The following NOVA1 variants were observed in gnomAD, a reference collection of about 807,000 sequenced individuals.
The protein encoded by NOVA1 is RNA-binding protein Nova-1.
NOVA1 carries 7 observed loss-of-function variants against 38.0 expected under a neutral mutation model. The ratio of observed to expected loss-of-function variants is 0.18; its 90% CI spans 0.10 to 0.35. The LOEUF (loss-of-function observed/expected upper bound fraction) is 0.35, where lower values mean the gene tolerates loss of function less well. Ranked by LOEUF, NOVA1 falls within the 10% of genes least tolerant of loss-of-function variation. NOVA1 has a pLI of 1.00. For synonymous variants in NOVA1, 270 were observed against 232.5 expected, an observed-to-expected ratio of 1.16 and a Z score of -1.47; for missense variants, 460 against 616.0, an observed-to-expected ratio of 0.75 and a Z score of 2.68.
intron 2 of NOVA1, among the ~76,000 whole-genome samples, chr14:26,518,846 A>G (rs946903213): frequency 2.6e-5 from 4 of 152,090 alleles, no homozygotes; most frequent in African/African-American, 9.6e-5. Context: ...GATACAAATG[A>G]TCTCTAGTTT....
intron 3 of NOVA1, among the ~76,000 whole-genome samples, chr14:26,474,001 G>C (rs1420643672): frequency 6.6e-6 from 1 of 151,872 alleles, no homozygotes; most frequent in Non-Finnish European, 1.5e-5. Flanking sequence ...ACTTTGCTGA[G>C]ACATATGCTA....
rs978421643 is a variant in NOVA1 at position 26,444,412 on chromosome 14, A to G, written c.*3547T>C. On this transcript the variant is annotated 3_prime_UTR_variant, in exon 5 of 5. Transcript: ENST00000539517. ...ATACAGGACTTGCTAACCTCTGTTA[A>G]CCATCTGAATGCGATGGAATAATCT... is the stretch of plus-strand genomic sequence containing the variant. 1 of 152,166 alleles carries G rather than the reference A, an allele frequency of 6.6e-6. No individual in the cohort carries two copies. The highest frequency in any genetic ancestry group is 2.1e-4 in the South Asian group (1 of 4,834). 9.4% of individuals were successfully genotyped at this position (152,166 alleles called of 1,614,324 possible).
chr14:26,547,238 G>A (rs1197253579), intron 2 of NOVA1, among the ~76,000 whole-genome samples: 6 of 152,020 alleles, frequency 3.9e-5, no homozygotes, highest in African/African-American at 1.4e-4. Context: ...GCCTTTCACA[G>A]TATGAGGAAG....
chr14:26,464,876 A>C (rs1883988900), intron 4 of NOVA1, among the ~76,000 whole-genome samples: 1 of 152,170 alleles, frequency 6.6e-6, no homozygotes, highest in Admixed American at 6.6e-5. Flanking sequence ...ATATTACTTA[A>C]TATGAATTCA....
intron 2 of NOVA1, among the ~76,000 whole-genome samples, chr14:26,545,432 A>C (rs1157880202): frequency 6.6e-6 from 1 of 152,070 alleles, no homozygotes; most frequent in Non-Finnish European, 1.5e-5. Context: ...AGCATGATAT[A>C]TCCTGGGAAC....
chr14:26,576,619 A>T (rs1204863037), intron 2 of NOVA1, among the ~76,000 whole-genome samples: 1 of 151,710 alleles, frequency 6.6e-6, no homozygotes, highest in Non-Finnish European at 1.5e-5. Context: ...GTATATATAT[A>T]TACACATACC....
intron 2 of NOVA1, among the ~76,000 whole-genome samples, chr14:26,552,167 G>C (rs1363084511): frequency 6.6e-6 from 1 of 152,006 alleles, no homozygotes; most frequent in African/African-American, 2.4e-5. Flanking sequence ...AAAATATATA[G>C]CAGTAGGTTT....
chr14:26,563,609 T>C (rs1406943115), intron 2 of NOVA1, among the ~76,000 whole-genome samples: 1 of 151,998 alleles, frequency 6.6e-6, no homozygotes, highest in East Asian at 1.9e-4. Flanking sequence ...AAAATTATTT[T>C]CAGCCTACAA....
At chr14:26,537,787 A>G (rs1480391742) in intron 2 of NOVA1, among the ~76,000 whole-genome samples, 1 of 152,188 alleles carries the variant, frequency 6.6e-6, no homozygotes, top group Non-Finnish European at 1.5e-5. Context: ...ACCTTAAAAG[A>G]CTATGAGGAG....
At chr14:26,576,924 A>T (rs112546968) in intron 2 of NOVA1, among the ~76,000 whole-genome samples, 13 of 151,920 alleles carry the variant, frequency 8.6e-5, no homozygotes, top group Admixed American at 8.5e-4. Flanking sequence ...CACAATATTA[A>T]CTATATCCTC....
intron 2 of NOVA1, among the ~76,000 whole-genome samples, chr14:26,559,834 T>C (rs2138677090): frequency 6.6e-6 from 1 of 152,168 alleles, no homozygotes; most frequent in East Asian, 1.9e-4. Context: ...AGTAACCTTT[T>C]GTATATTTCA....
At chr14:26,589,762 A>G (rs1893733177) in intron 2 of NOVA1, among the ~76,000 whole-genome samples, 1 of 151,764 alleles carries the variant, frequency 6.6e-6, no homozygotes, top group Admixed American at 6.6e-5. Flanking sequence ...TTCTATACCT[A>G]AAGACCCTAT....
chr14:26,492,705 C>T (rs942857778), intron 2 of NOVA1, among the ~76,000 whole-genome samples: 13 of 152,050 alleles, frequency 8.5e-5, no homozygotes, highest in African/African-American at 2.2e-4. Context: ...CGGTGGTTCA[C>T]GCCTGTAATC....
intron 2 of NOVA1, among the ~76,000 whole-genome samples, chr14:26,576,136 T>C (rs891449968): frequency 3.3e-5 from 5 of 151,888 alleles, no homozygotes; most frequent in African/African-American, 1.2e-4. Flanking sequence ...GTTCAATATA[T>C]ACTTATCATC....
rs554710164 is a variant in NOVA1 at position 26,540,816 on chromosome 14, A to C, written c.280+54594T>G. Among the ~76,000 whole-genome samples the C allele has an allele frequency of 6.8e-4, 103 of 152,302 alleles. 1 individual carries two copies. Among genetic ancestry groups the C allele is most frequent in the African/African-American group, 2.3e-3 (96 of 41,574 alleles). On this transcript the variant is annotated intron_variant, in intron 2 of 4. Transcript: ENST00000539517. ...TCACAATTAGTTGAGTGAACTCAGA[A>C]ATGATTTATGAGAATATCCTCCATG...
chr14:26,478,497 C>A (rs1885172525), intron 3 of NOVA1, among the ~76,000 whole-genome samples: 1 of 151,938 alleles, frequency 6.6e-6, no homozygotes, highest in Non-Finnish European at 1.5e-5. Flanking sequence ...AGACCTTATA[C>A]TTCAGTGCTT....
chr14:26,558,394 CTG>C (rs1566536508), intron 2 of NOVA1, among the ~76,000 whole-genome samples: 1 of 152,020 alleles, frequency 6.6e-6, no homozygotes, highest in Non-Finnish European at 1.5e-5. Flanking sequence ...GTAAGAAAAA[CTG>C]TGTTAGGAGC....
At chr14:26,549,555 T>G (rs981834907) in intron 2 of NOVA1, 3 of 244,556 alleles carry the variant, frequency 1.2e-5, no homozygotes, top group Non-Finnish European at 2.6e-5. Flanking sequence ...AAATAAAATT[T>G]AGAGCCAGGG....
intron 4 of NOVA1, among the ~76,000 whole-genome samples, chr14:26,469,214 C>G (rs1010449654): frequency 6.6e-6 from 1 of 152,202 alleles, no homozygotes; most frequent in South Asian, 2.1e-4. Flanking sequence ...GTTCTTATAA[C>G]GTTTCTTCTT....
Sources: gnomAD v4.1 joint callset for allele counts (sites outside exome capture counted in the v4.1 genomes callset) on GRCh38, gnomAD v4.1.1 for gene constraint, MANE v1.5 for transcripts, NCBI Gene and HGNC (gene_info 2026-07-23, HGNC 2026-07-21) for gene names.